Variants in JKAMP observed in about 807,000 individuals in gnomAD.
JKAMP encodes the protein JNK1/MAPK8-associated membrane protein.
Under a neutral mutation model 40.2 loss-of-function variants are expected in JKAMP, and 20 were observed. The observed-to-expected ratio is 0.50, with a 90% CI of 0.35 to 0.72. JKAMP has a LOEUF of 0.72. Ranked by LOEUF, JKAMP falls within the 30% of genes least tolerant of loss-of-function variation. The pLI is 0.01. For synonymous variants in JKAMP, 138 were observed against 131.6 expected (o/e 1.05, Z -0.33); for missense variants, 276 against 373.0 (o/e 0.74, Z 2.14).
intron 4 of JKAMP, among the ~76,000 whole-genome samples, chr14:59,496,542 T>TA (rs1346166391): frequency 1.3e-5 from 2 of 152,128 alleles, no homozygotes; most frequent in Non-Finnish European, 2.9e-5. Context: ...CCTATTACAG[T>TA]AGGAGGGTCA....
intron 4 of JKAMP, 26 bp from the exon 5 acceptor site, chr14:59,498,701 T>A (rs1406095850): frequency 2.4e-6 from 3 of 1,237,564 alleles, no homozygotes; most frequent in Non-Finnish European, 3.4e-6. Flanking sequence ...TTTTTGATGT[T>A]ACAAATTCTT....
intron 5 of JKAMP, 107 bp downstream of exon 5, chr14:59,499,015 CTTTTT>C (rs527684457): frequency 7.7e-4 from 98 of 127,226 alleles, no homozygotes; most frequent in South Asian, 1.2e-3. Flanking sequence ...TTGTTTAATC[CTTTTT>C]TTTTTTTTTT....
chr14:59,502,513 A>T lies in JKAMP; in HGVS notation c.717+1246A>T, dbSNP rs369174450. Among the ~76,000 whole-genome samples the T allele has an allele frequency of 1.2e-4, 19 of 152,276 alleles. 1 individual carries two copies. The highest frequency in any genetic ancestry group is 7.8e-4 in the Admixed American group (12 of 15,288). The stretch of plus-strand genomic sequence containing the variant: ...GAGTGAGTGGGGGAAAACATCTAGG[A>T]ATCATAGTGACTTTTAGGTAAGATA... On this transcript the variant is annotated intron_variant, in intron 6 of 6. Coordinates refer to ENST00000616435, the MANE Select transcript of JKAMP (RefSeq NM_016475.5).
intron 3 of JKAMP, among the ~76,000 whole-genome samples, chr14:59,493,741 T>G (rs946346730): frequency 3.9e-5 from 6 of 152,100 alleles, no homozygotes; most frequent in African/African-American, 1.4e-4. Context: ...ATTTTAAAAT[T>G]TATATGGAAG....
chr14:59,485,864 C>G (rs1218758244), intron 1 of JKAMP: 2 of 152,262 alleles, frequency 1.3e-5, no homozygotes, highest in Non-Finnish European at 2.9e-5. Context: ...GATCTGCCCA[C>G]CTCGACCTCC....
intron 1 of JKAMP, among the ~76,000 whole-genome samples, chr14:59,486,398 T>TTATA (rs1409669220): frequency 3.9e-5 from 6 of 152,274 alleles, no homozygotes; most frequent in East Asian, 3.9e-4. Context: ...TATTTGAACT[T>TTATA]TATAATCAGT....
At chr14:59,503,831 C>T in intron 6 of JKAMP, 23 bp from the exon 7 acceptor site, 2 of 1,502,892 alleles carry the variant, frequency 1.3e-6, no homozygotes, top group Non-Finnish European at 1.8e-6. Flanking sequence ...TTTCTCTTTT[C>T]TTTCTTTTAC....
chr14:59,484,535 G>A lies in JKAMP; in HGVS notation c.-55G>A, dbSNP rs1890345093. 2.6e-6 allele frequency: 4 copies of A among 1,558,892 alleles called. No homozygotes were observed. Among genetic ancestry groups the A allele is most frequent in the Non-Finnish European group, 2.6e-6 (3 of 1,151,040 alleles). ...GCTCGCTGTGGCCCGGATGTTCGGT[G>A]CAGCTGCCAGATCCGCTGATCTAGT... On this transcript the variant is annotated 5_prime_UTR_variant, in exon 1 of 7. Coordinates refer to ENST00000616435, the MANE Select transcript of JKAMP (RefSeq NM_016475.5).
rs527684457 is a variant in JKAMP, at chr14:59,499,015, CTTTTTTTTTTTTTTT to C, written c.640+120_640+134del. On this transcript the variant is annotated intron_variant, in intron 5 of 6. Coordinates refer to ENST00000616435, the MANE Select transcript of JKAMP (RefSeq NM_016475.5). ...TTTCCTTAAGATAGTTTGTTTAATC[CTTTTTTTTTTTTTTT>C]TTTTTTTTTTTTGTGATGGAATCTC... 42 of 127,280 alleles carry C rather than the reference CTTTTTTTTTTTTTTT, an allele frequency of 3.3e-4. 3 individuals carry two copies. Among genetic ancestry groups the C allele is most frequent in the Middle Eastern group, 5.6e-3 (2 of 358 alleles). The allele number at this position is 127,280 out of a possible 1,614,324, so 7.9% of individuals were successfully genotyped here.
In JKAMP at chr14:59,501,245, A is replaced by T. The variant is rs1891855807; in HGVS notation, c.695A>T (p.Tyr232Phe). The T allele has an allele frequency of 6.2e-7, 1 of 1,602,272 alleles. No individual in the cohort carries two copies. Among genetic ancestry groups the T allele is most frequent in the African/African-American group, 1.3e-5 (1 of 74,592 alleles). Residue 232 changes from tyrosine to phenylalanine, a missense_variant, in exon 6 of 7, where the codon TAC becomes TTC. Physicochemically the swap from Tyr to Phe is conservative, Grantham distance 22. Coordinates refer to ENST00000616435, the MANE Select transcript of JKAMP (RefSeq NM_016475.5). ...LVLSLVTLAV[Y>F]MSASEIENCY... ...TTATCTTTGGTTACTCTGGCTGTGTACATGTCTGCTTCTGAAATAGAGGTA... is the reference window on the plus strand; with the variant it reads ...TTATCTTTGGTTACTCTGGCTGTGTTCATGTCTGCTTCTGAAATAGAGGTA...
At position 59,484,587 on chromosome 14, in the gene JKAMP, C is replaced by T. The variant is rs894857662; in HGVS notation, c.-3C>T. 8.0e-5 allele frequency: 126 copies of T among 1,577,442 alleles called. No homozygotes were observed. Among genetic ancestry groups the T allele is most frequent in the Non-Finnish European group, 1.0e-4 (122 of 1,161,932 alleles). On this transcript the variant is annotated 5_prime_UTR_variant, in exon 1 of 7. Transcript: ENST00000616435. ...CTTCTCGAAAAAAACCTTCAGGCGG[C>T]CCATGGGTGAGTGGTCGCCAAGATC...
intron 3 of JKAMP, among the ~76,000 whole-genome samples, chr14:59,493,246 C>A (rs781304922): frequency 6.6e-6 from 1 of 152,194 alleles, no homozygotes; most frequent in Non-Finnish European, 1.5e-5. Context: ...CTGCAGAGTA[C>A]TGAAAACAAA....
At chr14:59,484,938 A>G in intron 1 of JKAMP, 1 of 1,482,454 alleles carries the variant, frequency 6.7e-7, no homozygotes, top group African/African-American at 1.4e-5. Context: ...AAAACAGTAA[A>G]GCAGAAGCAA....
intron 5 of JKAMP, among the ~76,000 whole-genome samples, chr14:59,499,898 A>G (rs1184267887): frequency 3.9e-5 from 6 of 152,156 alleles, no homozygotes; most frequent in Admixed American, 3.3e-4. Context: ...CCATTCCCTT[A>G]TACCTTCCTG....
intron 1 of JKAMP, chr14:59,485,120 A>C (rs777391531): frequency 6.3e-7 from 1 of 1,598,352 alleles, no homozygotes; most frequent in South Asian, 1.1e-5. Flanking sequence ...TTGCTTAGTA[A>C]GTGATAGGCT....
rs533681901 is a variant in JKAMP, at chr14:59,494,340, G to A, written c.252-678G>A. On this transcript the variant is annotated intron_variant, in intron 3 of 6. Transcript: ENST00000616435. ...CCACAGAATGGATAAACAAATCACA[G>A]TATTGTCACACAGTGGAATCCTAAC... Among the ~76,000 whole-genome samples the A allele has an allele frequency of 1.8e-4, 28 of 152,278 alleles. No individual in the cohort carries two copies. In the South Asian group the frequency reaches 5.6e-3, roughly 30 times the overall value.
chr14:59,489,542 T>G (rs1239441879), intron 3 of JKAMP, among the ~76,000 whole-genome samples: 1 of 152,254 alleles, frequency 6.6e-6, no homozygotes, highest in Non-Finnish European at 1.5e-5. Flanking sequence ...TTCCCTCACC[T>G]TCCTGTCTTC....
chr14:59,495,127 C>T lies in JKAMP; in HGVS notation c.361C>T (p.Arg121Ter). The stretch of plus-strand genomic sequence containing the variant: ...TGGTGTTCTTTATATTCGTTCATGT[C>T]GAGTATTGATGCTTTCTGACTGGTA... Reference protein sequence around the residue: ...PVGVLYIRSCRVLMLSDWYTM... With the variant: ...PVGVLYIRSC Residue 121 changes from arginine to a stop codon, truncating the protein, a stop_gained, in exon 4 of 7, where the codon CGA (arginine) becomes TGA (stop). Coordinates refer to ENST00000616435, the MANE Select transcript of JKAMP (RefSeq NM_016475.5). LOFTEE classifies it high-confidence loss of function. 1.2e-6 allele frequency: 2 copies of T among 1,613,284 alleles called. No individual in the cohort carries two copies. Among genetic ancestry groups the T allele is most frequent in the Non-Finnish European group, 1.7e-6 (2 of 1,179,352 alleles).
chr14:59,499,546 G>A (rs187730683), intron 5 of JKAMP, among the ~76,000 whole-genome samples: 5 of 152,228 alleles, frequency 3.3e-5, no homozygotes, highest in African/African-American at 9.6e-5. Context: ...AAAAGAATAA[G>A]ACAAATTCAC....
Sources: gnomAD v4.1 joint callset for allele counts (sites outside exome capture counted in the v4.1 genomes callset) on GRCh38, gnomAD v4.1.1 for gene constraint, MANE v1.5 for transcripts, NCBI Gene and HGNC (gene_info 2026-07-23, HGNC 2026-07-21) for gene names.